Variants in FGF12 observed in about 807,000 individuals in gnomAD.
FGF12 encodes the protein fibroblast growth factor 12B.
In FGF12, 14 loss-of-function variants were observed where a neutral mutation model predicts 23.6. The ratio of observed to expected loss-of-function variants is 0.59; its 90% CI spans 0.39 to 0.93. The LOEUF is 0.93. FGF12 is among the 40% of genes least tolerant of loss of function. FGF12 has a pLI of 0.00. For synonymous variants in FGF12, 62 were observed against 77.3 expected (o/e 0.80, Z 1.04); for missense variants, 175 against 217.8 (o/e 0.80, Z 1.24).
chr3:192,436,724 TCAA>T (rs1354854978), intron 2 of FGF12, among the ~76,000 whole-genome samples: 3 of 152,196 alleles, frequency 2.0e-5, no homozygotes, highest in Admixed American at 6.5e-5. Flanking sequence ...GCCTGTCTGA[TCAA>T]CAATTTCTTG....
chr3:192,469,182 A>G (rs1723100062), intron 2 of FGF12, among the ~76,000 whole-genome samples: 1 of 152,126 alleles, frequency 6.6e-6, no homozygotes, highest in South Asian at 2.1e-4. Flanking sequence ...GCTGCAATCT[A>G]GCACTTCTCT....
Position 192,727,462 on chromosome 3 carries a change from ATTTT to A in FGF12, c.-131+18_-131+21del, listed in dbSNP as rs34864946. On this transcript the variant is annotated intron_variant, in intron 1 of 5. Transcript: ENST00000445105. The stretch of plus-strand genomic sequence containing the variant: ...AAATGCATGCACAGTGCCCGCTCAG[ATTTT>A]TTTTTTTTTTTTTTTACCTGGGTCT... 1,012 of 560,078 alleles carry A rather than the reference ATTTT, an allele frequency of 1.8e-3. No homozygotes were observed. Among genetic ancestry groups the A allele is most frequent in the South Asian group, 2.7e-3 (114 of 42,362 alleles). 34.7% of individuals were successfully genotyped at this position (560,078 alleles called of 1,614,324 possible). A position where few individuals can be genotyped will look rare whatever the true frequency, so the allele number is the denominator to read the frequency against.
At chr3:192,171,033 A>G (rs544125819) in intron 4 of FGF12, among the ~76,000 whole-genome samples, 102 of 152,342 alleles carry the variant, frequency 6.7e-4, no homozygotes, top group African/African-American at 2.5e-3. Context: ...CTGGAAATCA[A>G]AATCAAATAT....
intron 4 of FGF12, among the ~76,000 whole-genome samples, chr3:192,317,040 C>T (rs776916655): frequency 6.6e-6 from 1 of 152,060 alleles, no homozygotes; most frequent in Non-Finnish European, 1.5e-5. Context: ...CTGGCAGGAT[C>T]CATCACCAGC....
At chr3:192,554,944 A>G (rs972383950) in intron 2 of FGF12, among the ~76,000 whole-genome samples, 1 of 152,322 alleles carries the variant, frequency 6.6e-6, no homozygotes, top group East Asian at 1.9e-4. Context: ...TGAACAAAGA[A>G]TTGGTAAACT....
At chr3:192,675,977 T>C (rs1488477918) in intron 2 of FGF12, among the ~76,000 whole-genome samples, 1 of 151,996 alleles carries the variant, frequency 6.6e-6, no homozygotes, top group African/African-American at 2.4e-5. Context: ...CTCACTCAGG[T>C]TGACATATCC....
At chr3:192,158,724 C>A (rs888745256) in intron 5 of FGF12, among the ~76,000 whole-genome samples, 1 of 111,780 alleles carries the variant, frequency 8.9e-6, no homozygotes, top group Non-Finnish European at 1.8e-5. Context: ...TTCTCCCTCT[C>A]TCCTTCTTAT....
chr3:192,406,222 C>A (rs1289951948), intron 2 of FGF12, among the ~76,000 whole-genome samples: 3 of 151,630 alleles, frequency 2.0e-5, no homozygotes, highest in African/African-American at 7.3e-5. Context: ...CAAAAGTAAC[C>A]CATTGATCAT....
At chr3:192,383,772 A>G (rs1293413508) in intron 2 of FGF12, among the ~76,000 whole-genome samples, 1 of 152,140 alleles carries the variant, frequency 6.6e-6, no homozygotes, top group Non-Finnish European at 1.5e-5. Context: ...TTAGAAGAGG[A>G]ACAGATTTAG....
At chr3:192,253,093 T>C (rs571183245) in intron 4 of FGF12, among the ~76,000 whole-genome samples, 1 of 152,314 alleles carries the variant, frequency 6.6e-6, no homozygotes, top group East Asian at 1.9e-4. Context: ...TGGATCTCTC[T>C]ACTTTTCACT....
chr3:192,240,748 C>G (rs1218230578), intron 4 of FGF12, among the ~76,000 whole-genome samples: 1 of 152,108 alleles, frequency 6.6e-6, no homozygotes, highest in African/African-American at 2.4e-5. Flanking sequence ...TATCTCCCCC[C>G]AATTTCTCAG....
chr3:192,487,007 T>C lies in FGF12; in HGVS notation c.14-126469A>G, dbSNP rs568371678. Among the ~76,000 whole-genome samples, 10 of 152,218 alleles carry C rather than the reference T, an allele frequency of 6.6e-5. No homozygotes were observed. The East Asian group carries it at 1.7e-3, about 26-fold the overall frequency. ...ATCTTTGGATTTGTTTTACTATTAT[T>C]ATTATTATTATTTTCTGGAAGATCC... On this transcript the variant is annotated intron_variant, in intron 2 of 5. Coordinates refer to ENST00000445105, the MANE Select transcript of FGF12 (RefSeq NM_004113.6).
intron 2 of FGF12, among the ~76,000 whole-genome samples, chr3:192,642,929 T>C (rs1016209045): frequency 6.6e-6 from 1 of 152,230 alleles, no homozygotes; most frequent in African/African-American, 2.4e-5. Context: ...TTTATTTCTT[T>C]CCTTTGATTC....
chr3:192,158,372 TTCTTTC>T (rs1229161313), intron 5 of FGF12, among the ~76,000 whole-genome samples: 3 of 121,528 alleles, frequency 2.5e-5, no homozygotes, highest in Non-Finnish European at 5.2e-5. Flanking sequence ...CTTTCTTTCT[TTCTTTC>T]TTTCTTTTCT....
At position 192,170,670 on chromosome 3, in the gene FGF12, A is replaced by G. The variant is rs1425707512; in HGVS notation, c.229-14T>C. 4 of 1,577,742 alleles carry G rather than the reference A, an allele frequency of 2.5e-6. No homozygotes were observed. Among genetic ancestry groups the G allele is most frequent in the Non-Finnish European group, 3.4e-6 (4 of 1,167,980 alleles). On this transcript the variant is annotated splice_polypyrimidine_tract_variant and intron_variant, in intron 4 of 5. Coordinates refer to ENST00000445105, the MANE Select transcript of FGF12 (RefSeq NM_004113.6). ...AGTGAAAACATCCTGTAGGAAAAAA[A>G]AAAAAAGACACAAAAAAGAGAAATG...
intron 2 of FGF12, among the ~76,000 whole-genome samples, chr3:192,593,017 C>T (rs921140936): frequency 1.3e-5 from 2 of 151,940 alleles, no homozygotes; most frequent in Admixed American, 1.3e-4. Context: ...CATCTGCTTC[C>T]TCTTTTGATT....
chr3:192,144,901 T>A lies in FGF12; in HGVS notation c.428-774A>T, dbSNP rs186058155. Among the ~76,000 whole-genome samples the A allele has an allele frequency of 1.5e-4, 23 of 152,352 alleles. No individual in the cohort carries two copies. The East Asian group carries it at 3.9e-3, about 26-fold the overall frequency. On this transcript the variant is annotated intron_variant, in intron 5 of 5. Coordinates refer to ENST00000445105, the MANE Select transcript of FGF12 (RefSeq NM_004113.6). Reference sequence around the variant, plus strand: ...TACAAAACACGTTAATTCAGCTTCATTACACTCTTGTGAAATAGACAAATG... The same window carrying A: ...TACAAAACACGTTAATTCAGCTTCAATACACTCTTGTGAAATAGACAAATG...
rs116363401 is a variant in FGF12, at chr3:192,375,635, A to G, written c.14-15097T>C. Among the ~76,000 whole-genome samples, 633 of 152,254 alleles carry G rather than the reference A, an allele frequency of 4.2e-3. 3 individuals carry two copies. Among genetic ancestry groups the G allele is most frequent in the African/African-American group, 0.01 (420 of 41,556 alleles). On this transcript the variant is annotated intron_variant, in intron 2 of 5. Transcript: ENST00000445105. ...TTATGATAGATTTACAAACATGTTT[A>G]CCATCTTTTTTGCTCATCATTATAA... is the stretch of plus-strand genomic sequence containing the variant.
At chr3:192,221,233 T>C (rs1262567345) in intron 4 of FGF12, among the ~76,000 whole-genome samples, 2 of 152,202 alleles carry the variant, frequency 1.3e-5, no homozygotes, top group Non-Finnish European at 2.9e-5. Flanking sequence ...CATTCATACA[T>C]GATTGGTATT....
Sources: gnomAD v4.1 joint callset for allele counts (sites outside exome capture counted in the v4.1 genomes callset) on GRCh38, gnomAD v4.1.1 for gene constraint, MANE v1.5 for transcripts, NCBI Gene and HGNC (gene_info 2026-07-23, HGNC 2026-07-21) for gene names.